PLIN3: variants seen among roughly 807,000 people sequenced by gnomAD.
PLIN3 encodes the protein perilipin 3.
PLIN3 carries 30 observed loss-of-function variants against 35.9 expected under a neutral mutation model. The ratio of observed to expected loss-of-function variants is 0.84; its 90% CI spans 0.62 to 1.13. PLIN3 has a LOEUF of 1.13. Among genes scored for constraint, PLIN3 ranks in the 50% most tolerant of loss-of-function variants. The pLI, the probability that PLIN3 is intolerant of heterozygous loss-of-function variation, is 0.00. For missense variants in PLIN3, 603 were observed against 596.9 expected, an observed-to-expected ratio of 1.01 and a Z score of -0.11; for synonymous variants, 261 against 262.5, an observed-to-expected ratio of 0.99 and a Z score of 0.06.
In PLIN3 at chr19:4,859,641, C is replaced by A; in HGVS notation, c.297G>T (p.Gly99=). ...IASASEYAHR[G]LDKLEENLPI... Reference sequence around the variant, plus strand: ...GGAGGTTCTCCTCCAACTTGTCCAGCCCCCTGTGGGCGTATTCGCTGGCTG... The same window carrying A: ...GGAGGTTCTCCTCCAACTTGTCCAGACCCCTGTGGGCGTATTCGCTGGCTG... The change falls in exon 4 of 8, where the codon GGG becomes GGT. Residue 99 remains glycine (G), a synonymous_variant. Coordinates refer to ENST00000221957, the MANE Select transcript of PLIN3 (RefSeq NM_005817.5). 6.2e-7 allele frequency: 1 copy of A among 1,614,148 alleles called. No homozygotes were observed. Among genetic ancestry groups the A allele is most frequent in the Admixed American group, 1.7e-5 (1 of 59,996 alleles).
intron 4 of PLIN3, among the ~76,000 whole-genome samples, chr19:4,858,983 T>C (rs971881805): frequency 1.3e-5 from 2 of 152,054 alleles, no homozygotes; most frequent in Non-Finnish European, 2.9e-5. Flanking sequence ...ATTACAGGCA[T>C]GAGCCACCGC....
At chr19:4,849,974 T>C (rs927879672) in intron 5 of PLIN3, among the ~76,000 whole-genome samples, 3 of 150,924 alleles carry the variant, frequency 2.0e-5, no homozygotes, top group Non-Finnish European at 4.4e-5. Flanking sequence ...AGATGGAGTT[T>C]CACTCTTGTT....
At position 4,852,194 on chromosome 19, in the gene PLIN3, G is replaced by A. The variant is rs117017052; in HGVS notation, c.456C>T (p.Asp152=). 23,331 of 1,612,992 alleles carry A rather than the reference G, an allele frequency of 0.014. 229 individuals carry two copies. The highest frequency in any genetic ancestry group is 0.016 in the Non-Finnish European group (18,736 of 1,180,000). The stretch of plus-strand genomic sequence containing the variant: ...CGCTCTGCACAGCACCGCGGGTCGC[G>A]TCCACCGCCTCCGACAATTGGGTGG... ...TVATQLSEAV[D]ATRGAVQSGV... The change falls in exon 5 of 8, where the codon GAC becomes GAT. Residue 152 remains aspartate, a synonymous_variant. Transcript: ENST00000221957.
At position 4,844,582 on chromosome 19, in the gene PLIN3, G is replaced by C. The variant is rs2030019324; in HGVS notation, c.960+86C>G. On this transcript the variant is annotated intron_variant, in intron 7 of 7. Transcript: ENST00000221957. Reference sequence around the variant, plus strand: ...GGTGAGGCTAGGGAAATCATTCGAAGCAGGTAGGCCCATGAAGCAGAGGTG... The same window carrying C: ...GGTGAGGCTAGGGAAATCATTCGAACCAGGTAGGCCCATGAAGCAGAGGTG... The C allele has an allele frequency of 3.0e-6, 4 of 1,353,124 alleles. No homozygotes were observed. The East Asian group carries it at 7.8e-5, about 26-fold the overall frequency. 83.8% of individuals were successfully genotyped at this position (1,353,124 alleles called of 1,614,324 possible).
rs751306571 is a variant in PLIN3 at position 4,847,845 on chromosome 19, T to C, written c.680A>G (p.Gln227Arg). The C allele has an allele frequency of 1.4e-5, 23 of 1,613,800 alleles. No individual in the cohort carries two copies. Among genetic ancestry groups the C allele is most frequent in the Non-Finnish European group, 1.9e-5 (22 of 1,179,966 alleles). ...GTAGCTCTGTTCCTGCCGCTGCTGC[T>C]GCACGGACGCGACGTCAAAGCCATC... The part of the protein sequence containing the change: ...SLDGFDVASV[Q>R]QQRQEQSYFV... Residue 227 changes from glutamine (Q) to arginine (R), a missense_variant, in exon 6 of 8, where the codon CAG (glutamine) becomes CGG (arginine). Transcript: ENST00000221957.
chr19:4,850,605 T>TTTC (rs2030257296), intron 5 of PLIN3, among the ~76,000 whole-genome samples: 1 of 81,966 alleles, frequency 1.2e-5, no homozygotes, highest in African/African-American at 4.4e-5. Context: ...TTTTTTTTTT[T>TTTC]TTTTTTTTTT....
intron 6 of PLIN3, among the ~76,000 whole-genome samples, chr19:4,847,318 TAGCTG>T (rs895700996): frequency 2.0e-5 from 3 of 151,880 alleles, no homozygotes; most frequent in Admixed American, 2.0e-4. Context: ...GCCTCCCAAG[TAGCTG>T]AGATTACAGG....
At chr19:4,842,640 T>C (rs1477428920) in intron 7 of PLIN3, among the ~76,000 whole-genome samples, 1 of 99,836 alleles carries the variant, frequency 1.0e-5, no homozygotes, top group Non-Finnish European at 2.1e-5. Flanking sequence ...CACTGGGAGG[T>C]AGGGTTTTGC....
At chr19:4,860,481 G>A (rs1459080604) in intron 2 of PLIN3, among the ~76,000 whole-genome samples, 1 of 152,016 alleles carries the variant, frequency 6.6e-6, no homozygotes, top group African/African-American at 2.4e-5. Flanking sequence ...GGGATTACAG[G>A]CGTGAGCCAC....
At chr19:4,844,580 A>G in intron 7 of PLIN3, 88 bp downstream of exon 7, 4 of 1,353,086 alleles carry the variant, frequency 3.0e-6, no homozygotes, top group Non-Finnish European at 3.9e-6. Flanking sequence ...AAATCATTCG[A>G]AGCAGGTAGG....
In PLIN3 at chr19:4,844,706, G is replaced by C. The variant is rs1323035260; in HGVS notation, c.922C>G (p.Gln308Glu). 1.9e-6 allele frequency: 3 copies of C among 1,609,346 alleles called. No homozygotes were observed. The highest frequency in any genetic ancestry group is 4.5e-5 in the East Asian group (2 of 44,780). The change falls in exon 7 of 8, where the codon CAG becomes GAG. Residue 308 changes from glutamine to glutamate, a missense_variant. Coordinates refer to ENST00000221957, the MANE Select transcript of PLIN3 (RefSeq NM_005817.5). ...GGCTCCTTCTCGGGGCCCTGGAGCT[G>C]CTTCTGGTTCCAGCTGAGCCACATC... ...HQMWLSWNQK[Q>E]LQGPEKEPPK... is the part of the protein sequence containing the mutation.
chr19:4,856,885 T>C (rs1187204676), intron 4 of PLIN3, among the ~76,000 whole-genome samples: 2 of 151,906 alleles, frequency 1.3e-5, no homozygotes, highest in African/African-American at 2.4e-5. Context: ...TTTGAATTTT[T>C]AGTAGACACA....
At chr19:4,850,783 C>T (rs2030265069) in intron 5 of PLIN3, among the ~76,000 whole-genome samples, 1 of 151,360 alleles carries the variant, frequency 6.6e-6, no homozygotes, top group South Asian at 2.1e-4. Flanking sequence ...GTTGGCCAGG[C>T]TTGTCTCAAA....
intron 5 of PLIN3, among the ~76,000 whole-genome samples, chr19:4,850,002 A>G (rs2030232701): frequency 6.6e-6 from 1 of 150,838 alleles, no homozygotes; most frequent in Non-Finnish European, 1.5e-5. Flanking sequence ...CTGGAGTGCA[A>G]TGGCGCAGTC....
intron 5 of PLIN3, among the ~76,000 whole-genome samples, 186 bp from the exon 6 acceptor site, chr19:4,848,076 C>T (rs755658108): frequency 2.0e-4 from 31 of 152,096 alleles, no homozygotes; most frequent in Non-Finnish European, 4.1e-4. Context: ...CTCTGCCTCC[C>T]GGGTTCAAGT....
chr19:4,852,157 T>C lies in PLIN3; in HGVS notation c.493A>G (p.Thr165Ala), dbSNP rs373534895. The C allele has an allele frequency of 2.5e-6, 4 of 1,613,994 alleles. No individual in the cohort carries two copies. The highest frequency in any genetic ancestry group is 1.6e-4 in the Middle Eastern group (1 of 6,062). Reference protein sequence around the residue: ...RGAVQSGVDKTKSVVTGGVQS... With the variant: ...RGAVQSGVDKAKSVVTGGVQS... ...ACGCCGCCGGTCACTACGGACTTTG[T>C]CTTGTCCACGCCGCTCTGCACAGCA... Residue 165 changes from threonine to alanine, a missense_variant, in exon 5 of 8, where the codon ACA becomes GCA. By Grantham distance (58) the Thr-to-Ala change is moderately conservative (BLOSUM62 0). Coordinates refer to ENST00000221957, the MANE Select transcript of PLIN3 (RefSeq NM_005817.5).
intron 1 of PLIN3, among the ~76,000 whole-genome samples, chr19:4,864,207 C>T (rs963398019): frequency 1.3e-5 from 2 of 148,326 alleles, no homozygotes; most frequent in African/African-American, 2.5e-5. Flanking sequence ...GGCTGGGGTG[C>T]AGTGGCGTGA....
At chr19:4,863,784 C>A (rs555056487) in intron 1 of PLIN3, among the ~76,000 whole-genome samples, 1 of 149,506 alleles carries the variant, frequency 6.7e-6, no homozygotes, top group Admixed American at 6.7e-5. Flanking sequence ...CCTGGTATTG[C>A]ACCACTGCAC....
At chr19:4,849,085 C>G (rs550897312) in intron 5 of PLIN3, among the ~76,000 whole-genome samples, 1 of 151,758 alleles carries the variant, frequency 6.6e-6, no homozygotes, top group South Asian at 2.1e-4. Flanking sequence ...CAACCTTGGC[C>G]TCCCGAGTAG....
Sources: allele counts gnomAD v4.1 joint callset (sites outside exome capture counted in the v4.1 genomes callset), GRCh38; gene constraint gnomAD v4.1.1; transcripts MANE v1.5; gene names NCBI Gene and HGNC (gene_info 2026-07-23, HGNC 2026-07-21).